Variants in HSD17B4 observed in about 807,000 individuals in gnomAD.
HSD17B4 encodes the protein peroxisomal multifunctional enzyme type 2.
In HSD17B4, 70 loss-of-function variants were observed where a neutral mutation model predicts 101.0. That is an observed-to-expected ratio of 0.69 (90% CI 0.57 to 0.85). HSD17B4 has a LOEUF of 0.85. HSD17B4 is among the 40% of genes least tolerant of loss of function. The pLI is 0.00. For missense variants in HSD17B4, 984 were observed against 892.4 expected (o/e 1.10, Z -1.31); for synonymous variants, 347 against 297.1 (o/e 1.17, Z -1.73).
chr5:119,476,638 G>A, intron 6 of HSD17B4: 1 of 985,122 alleles, frequency 1.0e-6, no homozygotes, highest in Non-Finnish European at 1.2e-6. Flanking sequence ...TGTAACAACT[G>A]GGGTAAAAAA....
intron 9 of HSD17B4, among the ~76,000 whole-genome samples, chr5:119,490,613 G>A (rs1750013209): frequency 6.6e-6 from 1 of 152,026 alleles, no homozygotes; most frequent in African/African-American, 2.4e-5. Context: ...TGCCCAGGCT[G>A]AAGTGCAGTG....
intron 18 of HSD17B4, 75 bp downstream of exon 18, chr5:119,525,360 C>T: frequency 4.6e-6 from 4 of 871,886 alleles, no homozygotes; most frequent in Non-Finnish European, 7.8e-6. Flanking sequence ...AAAGACACTA[C>T]TACTTATGAC....
chr5:119,479,953 C>T (rs921087408), intron 8 of HSD17B4, among the ~76,000 whole-genome samples: 1 of 152,066 alleles, frequency 6.6e-6, no homozygotes, highest in African/African-American at 2.4e-5. Flanking sequence ...TTTGCATTCC[C>T]ACCAGCAATT....
At chr5:119,482,276 G>A (rs374488769) in intron 8 of HSD17B4, among the ~76,000 whole-genome samples, 2 of 151,884 alleles carry the variant, frequency 1.3e-5, no homozygotes, top group East Asian at 1.9e-4. Context: ...TTTCTTTTAC[G>A]ATGGTTTTGA....
intron 8 of HSD17B4, among the ~76,000 whole-genome samples, chr5:119,481,585 G>A (rs1167565378): frequency 6.6e-6 from 1 of 152,152 alleles, no homozygotes; most frequent in Non-Finnish European, 1.5e-5. Flanking sequence ...ACACTATGCT[G>A]TAGTTTATTA....
chr5:119,487,907 A>T (rs1461521963), intron 8 of HSD17B4, among the ~76,000 whole-genome samples: 1 of 152,150 alleles, frequency 6.6e-6, no homozygotes, highest in Non-Finnish European at 1.5e-5. Context: ...CCTCGTGCAT[A>T]TAATGAAAAA....
rs142889209 is a variant in HSD17B4 at position 119,452,586 on chromosome 5, C to T, written c.11C>T (p.Pro4Leu). The T allele has an allele frequency of 3.7e-6, 6 of 1,613,928 alleles. No homozygotes were observed. In the Admixed American group the frequency reaches 5.0e-5, roughly 13 times the overall value. The change falls in exon 1 of 24, where the codon CCG (proline) becomes CTG (leucine). Residue 4 changes from proline to leucine, a missense_variant. By Grantham distance (98) the Pro-to-Leu change is moderately conservative (BLOSUM62 -3). Transcript: ENST00000510025. Reference protein sequence around the residue: MGSPLRFDGRVVLV... With the variant: MGSLLRFDGRVVLV... The stretch of plus-strand genomic sequence containing the variant: ...TTGCAGGCCTTATTCATGGGCTCAC[C>T]GCTGAGGTTCGACGGGCGGGTGGTA...
At chr5:119,530,412 C>T (rs1030792520) in intron 21 of HSD17B4, among the ~76,000 whole-genome samples, 1 of 152,032 alleles carries the variant, frequency 6.6e-6, no homozygotes, top group Non-Finnish European at 1.5e-5. Context: ...TATTAGCATG[C>T]TGAGACTTTT....
intron 6 of HSD17B4, 45 bp from the exon 7 acceptor site, chr5:119,477,372 C>A: frequency 7.6e-7 from 1 of 1,323,470 alleles, no homozygotes; most frequent in African/African-American, 1.5e-5. Flanking sequence ...TTAGACATGC[C>A]TAAGTTTTTA....
At chr5:119,480,785 G>A (rs1041202669) in intron 8 of HSD17B4, among the ~76,000 whole-genome samples, 1 of 152,192 alleles carries the variant, frequency 6.6e-6, no homozygotes, top group Non-Finnish European at 1.5e-5. Context: ...AACCGTAAGA[G>A]ACAGGTACGC....
intron 8 of HSD17B4, 35 bp downstream of exon 8, chr5:119,479,056 A>C (rs1698286887): frequency 6.8e-7 from 1 of 1,479,248 alleles, no homozygotes; most frequent in East Asian, 2.3e-5. Context: ...CAGTGCTGTT[A>C]CTTACAAACC....
chr5:119,475,652 A>C, intron 4 of HSD17B4, 54 bp from the exon 5 acceptor site: 1 of 1,408,630 alleles, frequency 7.1e-7, no homozygotes, highest in Non-Finnish European at 1.0e-6. Flanking sequence ...TTGTAAGCAA[A>C]TGCAAACTAA....
chr5:119,472,268 G>A (rs114801168), intron 2 of HSD17B4, among the ~76,000 whole-genome samples: 2,089 of 152,232 alleles, frequency 0.014, 52 homozygotes, highest in African/African-American at 0.048. Flanking sequence ...ACTTTCTTAT[G>A]GAGAAGATAT....
At chr5:119,476,129 C>T (rs1330832450) in intron 6 of HSD17B4, among the ~76,000 whole-genome samples, 1 of 152,122 alleles carries the variant, frequency 6.6e-6, no homozygotes, top group African/African-American at 2.4e-5. Flanking sequence ...GTTTCCCTCT[C>T]CCCTTTTTTT....
intron 11 of HSD17B4, among the ~76,000 whole-genome samples, chr5:119,495,148 G>C (rs970439926): frequency 3.3e-5 from 5 of 151,532 alleles, no homozygotes; most frequent in Admixed American, 1.3e-4. Flanking sequence ...GTCATAAATG[G>C]TTAACATTTT....
Position 119,461,229 on chromosome 5 carries a change from G to T in HSD17B4, c.112+4861G>T, listed in dbSNP as rs185113265. On this transcript the variant is annotated intron_variant, in intron 2 of 23. Transcript: ENST00000510025. Reference sequence around the variant, plus strand: ...CATATCTTATGTAACAAAGAATTAAGATCTTTTATAAATAAAGGACATTTA... The same window carrying T: ...CATATCTTATGTAACAAAGAATTAATATCTTTTATAAATAAAGGACATTTA... 2.7e-3 allele frequency among the ~76,000 whole-genome samples: 416 copies of T among 152,158 alleles called. 2 individuals carry two copies. The highest frequency in any genetic ancestry group is 4.6e-3 in the Admixed American group (71 of 15,288).
intron 20 of HSD17B4, among the ~76,000 whole-genome samples, chr5:119,527,685 A>G (rs1431495607): frequency 6.6e-6 from 1 of 152,186 alleles, no homozygotes; most frequent in Non-Finnish European, 1.5e-5. Context: ...ACAACAGTTT[A>G]TATGGTCCAA....
At chr5:119,526,129 A>G in intron 19 of HSD17B4, 106 bp downstream of exon 19, 1 of 740,554 alleles carries the variant, frequency 1.4e-6, no homozygotes, top group Non-Finnish European at 2.4e-6. Context: ...GTACTACAGC[A>G]ATGTACATTT....
At chr5:119,467,440 G>A (rs1755920915) in intron 2 of HSD17B4, among the ~76,000 whole-genome samples, 1 of 152,150 alleles carries the variant, frequency 6.6e-6, no homozygotes, top group African/African-American at 2.4e-5. Flanking sequence ...CATTAGATCT[G>A]GTAGCATTTG....
Sources: gnomAD v4.1 joint callset for allele counts (sites outside exome capture counted in the v4.1 genomes callset) on GRCh38, gnomAD v4.1.1 for gene constraint, MANE v1.5 for transcripts, NCBI Gene and HGNC (gene_info 2026-07-23, HGNC 2026-07-21) for gene names.